PCSK9: variants seen among roughly 807,000 people sequenced by gnomAD.
The protein encoded by PCSK9 is convertase subtilisin/kexin type 9 preproprotein.
PCSK9 carries 57 observed loss-of-function variants against 62.1 expected under a neutral mutation model. That is an observed-to-expected ratio of 0.92 (90% CI 0.74 to 1.14). PCSK9 has a LOEUF of 1.14. PCSK9 is among the 50% of genes most tolerant of loss of function. The pLI is 0.00. For synonymous variants in PCSK9, 387 were observed against 409.4 expected (o/e 0.95, Z 0.66); for missense variants, 870 against 959.8 (o/e 0.91, Z 1.24).
chr1:55,052,094 C>A, intron 3 of PCSK9, 184 bp from the exon 4 acceptor site: 1 of 867,092 alleles, frequency 1.2e-6, no homozygotes, highest in Non-Finnish European at 1.8e-6. Flanking sequence ...CCTCCCTTTC[C>A]TTGTCTATGA....
At position 55,063,891 on chromosome 1, in the gene PCSK9, T is replaced by C. The variant is rs1644781960; in HGVS notation, c.*307T>C. On this transcript the variant is annotated 3_prime_UTR_variant, in exon 12 of 12. Transcript: ENST00000302118. ...CTGCCAGCTGCTCCCAATGTGCCGA[T>C]GTCCGTGGGCAGAATGACTTTTATT... 3.0e-5 allele frequency: 14 copies of C among 464,576 alleles called. No individual in the cohort carries two copies. The highest frequency in any genetic ancestry group is 5.1e-5 in the Non-Finnish European group (13 of 256,430). 28.8% of individuals were successfully genotyped at this position (464,576 alleles called of 1,614,324 possible). A position where few individuals can be genotyped will look rare whatever the true frequency, so the allele number is the denominator to read the frequency against.
At position 55,063,483 on chromosome 1, in the gene PCSK9, G is replaced by C. The variant is rs72646530; in HGVS notation, c.1978G>C (p.Asp660His). The C allele has an allele frequency of 6.2e-7, 1 of 1,613,986 alleles. No individual in the cohort carries two copies. Among genetic ancestry groups the C allele is most frequent in the Non-Finnish European group, 8.5e-7 (1 of 1,179,878 alleles). Reference sequence around the variant, plus strand: ...CAACACGTGTGTAGTCAGGAGCCGGGACGTCAGCACTACAGGCAGCACCAG... The same window carrying C: ...CAACACGTGTGTAGTCAGGAGCCGGCACGTCAGCACTACAGGCAGCACCAG... ...VDNTCVVRSR[D>H]VSTTGSTSEG... The change falls in exon 12 of 12, where the codon GAC becomes CAC. Residue 660 changes from aspartate to histidine, a missense_variant. Physicochemically the swap from Asp to His is moderately conservative, Grantham distance 81 (BLOSUM62 -1). Transcript: ENST00000302118.
intron 5 of PCSK9, 74 bp downstream of exon 5, chr1:55,052,865 G>C: frequency 6.2e-7 from 1 of 1,605,662 alleles, no homozygotes; most frequent in Non-Finnish European, 8.5e-7. Context: ...CTGGGCCCAG[G>C]GAGAGCTAAT....
rs1413443246 is a variant in PCSK9 at position 55,039,914 on chromosome 1, C to T, written c.77C>T (p.Ala26Val). The change falls in exon 1 of 12, where the codon GCG becomes GTG. Residue 26 changes from alanine (A) to valine (V), a missense_variant. By Grantham distance (64) the Ala-to-Val change is moderately conservative (BLOSUM62 0). Coordinates refer to ENST00000302118, the MANE Select transcript of PCSK9 (RefSeq NM_174936.4). ...CTGCTGCTGCTGCTCCTGGGTCCCG[C>T]GGGCGCCCGTGCGCAGGAGGACGAG... is the stretch of plus-strand genomic sequence containing the variant. ...LLLLLLLLGPAGARAQEDEDG... is the reference protein window; with the variant it reads ...LLLLLLLLGPVGARAQEDEDG... 29 of 1,566,852 alleles carry T rather than the reference C, an allele frequency of 1.9e-5. No individual in the cohort carries two copies. The highest frequency in any genetic ancestry group is 2.5e-5 in the Non-Finnish European group (29 of 1,156,890).
intron 1 of PCSK9, among the ~76,000 whole-genome samples, chr1:55,042,569 T>G (rs1399819852): frequency 6.6e-6 from 1 of 151,926 alleles, no homozygotes; most frequent in Non-Finnish European, 1.5e-5. Context: ...CTGACTGGAG[T>G]CCAAGATGCA....
chr1:55,061,554 C>G lies in PCSK9; in HGVS notation c.1861C>G (p.Gln621Glu). The G allele has an allele frequency of 6.3e-7, 1 of 1,594,806 alleles. No homozygotes were observed. The highest frequency in any genetic ancestry group is 8.5e-7 in the Non-Finnish European group (1 of 1,170,922). ...GCATGGAATCCCGGCCCCTCAGGAG[C>G]AGGTGAAGAGGCCCGTGAGGCCGGG... is the stretch of plus-strand genomic sequence containing the variant. Reference protein sequence around the residue: ...KEHGIPAPQEQVTVACEEGWT... With the variant: ...KEHGIPAPQEEVTVACEEGWT... Residue 621 changes from glutamine (Q) to glutamate (E), a missense_variant and splice_region_variant, in exon 11 of 12, where the codon CAG (glutamine) becomes GAG (glutamate). Gln to Glu is a conservative substitution (Grantham distance 29, BLOSUM62 2). Transcript: ENST00000302118.
chr1:55,056,121 G>T lies in PCSK9; in HGVS notation c.928G>T (p.Val310Leu). 6.3e-7 allele frequency: 1 copy of T among 1,577,812 alleles called. No individual in the cohort carries two copies. The highest frequency in any genetic ancestry group is 8.6e-7 in the Non-Finnish European group (1 of 1,156,956). Reference sequence around the variant, plus strand: ...CCAGCGCCTGGCGAGGGCTGGGGTCGTGCTGGTCACCGCTGCCGGCAACTT... The same window carrying T: ...CCAGCGCCTGGCGAGGGCTGGGGTCTTGCTGGTCACCGCTGCCGGCAACTT... ...ACQRLARAGVVLVTAAGNFRD... is the reference protein window; with the variant it reads ...ACQRLARAGVLLVTAAGNFRD... The change falls in exon 6 of 12, where the codon GTG (valine) becomes TTG (leucine). Residue 310 changes from valine (V) to leucine (L), a missense_variant. By Grantham distance (32) the Val-to-Leu change is conservative. Coordinates refer to ENST00000302118, the MANE Select transcript of PCSK9 (RefSeq NM_174936.4).
At chr1:55,063,244 C>T (rs992903716) in intron 11 of PCSK9, 125 bp from the exon 12 acceptor site, 2 of 1,035,014 alleles carry the variant, frequency 1.9e-6, no homozygotes, top group East Asian at 2.6e-5. Context: ...CCCAAATGGG[C>T]TCTGAGCCAG....
At chr1:55,063,332 G>C (rs376551477) in intron 11 of PCSK9, 37 bp from the exon 12 acceptor site, 6 of 1,601,986 alleles carry the variant, frequency 3.7e-6, no homozygotes, top group Non-Finnish European at 4.3e-6. Context: ...CCCGGGCCAC[G>C]CTAGACATGT....
chr1:55,039,585 G>A lies in PCSK9; in HGVS notation c.-253G>A, dbSNP rs558789529. 7.9e-5 allele frequency: 46 copies of A among 580,544 alleles called. No individual in the cohort carries two copies. In the East Asian group the frequency reaches 1.2e-3, roughly 15 times the overall value. 36.0% of individuals were successfully genotyped at this position (580,544 alleles called of 1,614,324 possible). ...GCGCTCATGGTTGCAGGCGGGCGCC[G>A]CCGTTCAGTTCAGGGTCTGAGCCTG... On this transcript the variant is annotated 5_prime_UTR_variant, in exon 1 of 12. Coordinates refer to ENST00000302118, the MANE Select transcript of PCSK9 (RefSeq NM_174936.4).
In PCSK9 at chr1:55,044,043, C is replaced by A. The variant is rs771070411; in HGVS notation, c.399+9C>A. ...GCGACCTGCTGGAGCTGGTGAGCCA[C>A]CCTTTTTGGGAATGGCACTTCCTGA... On this transcript the variant is annotated intron_variant, in intron 2 of 11. Coordinates refer to ENST00000302118, the MANE Select transcript of PCSK9 (RefSeq NM_174936.4). 1 of 1,613,922 alleles carries A rather than the reference C, an allele frequency of 6.2e-7. No individual in the cohort carries two copies. The highest frequency in any genetic ancestry group is 8.5e-7 in the Non-Finnish European group (1 of 1,180,008).
In PCSK9 at chr1:55,061,390, G is replaced by C. The variant is rs886046434; in HGVS notation, c.1697G>C (p.Trp566Ser). 19 of 1,608,770 alleles carry C rather than the reference G, an allele frequency of 1.2e-5. No individual in the cohort carries two copies. The highest frequency in any genetic ancestry group is 1.6e-5 in the Non-Finnish European group (19 of 1,178,532). Residue 566 changes from tryptophan to serine, a missense_variant, in exon 11 of 12, where the codon TGG (tryptophan) becomes TCG (serine). Transcript: ENST00000302118. The stretch of plus-strand genomic sequence containing the variant: ...TCTGCCCCAGGCTGCAGCTCCCACT[G>C]GGAGGTGGAGGACCTTGGCACCCAC... ...GHVLTGCSSHWEVEDLGTHKP... is the reference protein window; with the variant it reads ...GHVLTGCSSHSEVEDLGTHKP...
rs765626863 is a variant in PCSK9 at position 55,061,520 on chromosome 1, A to G, written c.1827A>G (p.Lys609=). 15 of 1,604,284 alleles carry G rather than the reference A, an allele frequency of 9.3e-6. No individual in the cohort carries two copies. Among genetic ancestry groups the G allele is most frequent in the Non-Finnish European group, 1.1e-5 (13 of 1,175,896 alleles). Residue 609 remains lysine (K), a synonymous_variant, in exon 11 of 12, where the codon AAA becomes AAG. Transcript: ENST00000302118. ...SCCHAPGLEC[K]VKEHGIPAPQ... is the part of the protein sequence containing the mutation. ...GCCATGCCCCAGGTCTGGAATGCAA[A>G]GTCAAGGAGCATGGAATCCCGGCCC... is the stretch of plus-strand genomic sequence containing the variant.
intron 5 of PCSK9, among the ~76,000 whole-genome samples, chr1:55,053,565 C>T (rs521662): frequency 0.64 from 97,691 of 151,996 alleles, 31,958 homozygotes; most frequent in East Asian, 0.79. Context: ...TTGACTTCCA[C>T]TGTAAGCCCC....
chr1:55,059,509 C>T lies in PCSK9; in HGVS notation c.1527C>T (p.Cys509=). The T allele has an allele frequency of 6.4e-7, 1 of 1,566,184 alleles. No individual in the cohort carries two copies. Among genetic ancestry groups the T allele is most frequent in the African/African-American group, 1.3e-5 (1 of 74,288 alleles). Residue 509 remains cysteine, a synonymous_variant, in exon 10 of 12, where the codon TGC becomes TGT. Transcript: ENST00000302118. The stretch of plus-strand genomic sequence containing the variant: ...AGGCCCAAGGGGGCAAGCTGGTCTG[C>T]CGGGCCCACAACGCTTTTGGGGGTG... ...RMEAQGGKLV[C]RAHNAFGGEG...
chr1:55,056,360 C>T (rs562829799), intron 6 of PCSK9, among the ~76,000 whole-genome samples, 171 bp downstream of exon 6: 3 of 152,170 alleles, frequency 2.0e-5, no homozygotes, highest in African/African-American at 4.8e-5. Context: ...CCCCGCCATG[C>T]GGGAGGCTGG....
rs759554053 is a variant in PCSK9 at position 55,057,995 on chromosome 1, G to C, written c.1181-41G>C. On this transcript the variant is annotated intron_variant, in intron 7 of 11. Coordinates refer to ENST00000302118, the MANE Select transcript of PCSK9 (RefSeq NM_174936.4). ...AGGAGTCCCCTGCTGGGGCAGGAGG[G>C]CCGGGCCATCACCATCTTTCACCAT... 14 of 1,612,514 alleles carry C rather than the reference G, an allele frequency of 8.7e-6. No individual in the cohort carries two copies. In the East Asian group the frequency reaches 3.1e-4, roughly 36 times the overall value.
At chr1:55,044,300 G>A (rs192136991) in intron 2 of PCSK9, among the ~76,000 whole-genome samples, 1 of 152,290 alleles carries the variant, frequency 6.6e-6, no homozygotes, top group East Asian at 1.9e-4. Flanking sequence ...ACAGCTAGGG[G>A]TAGAGCCTGG....
intron 9 of PCSK9, among the ~76,000 whole-genome samples, chr1:55,059,054 T>G (rs889710154): frequency 2.0e-5 from 3 of 152,130 alleles, no homozygotes; most frequent in Non-Finnish European, 4.4e-5. Flanking sequence ...AAAGTGGAAT[T>G]GATGTTGATG....
Sources: gnomAD v4.1 joint callset for allele counts (sites outside exome capture counted in the v4.1 genomes callset) on GRCh38, gnomAD v4.1.1 for gene constraint, MANE v1.5 for transcripts, NCBI Gene and HGNC (gene_info 2026-07-23, HGNC 2026-07-21) for gene names.